Variants in ADK observed in about 807,000 individuals in gnomAD.
The protein encoded by ADK is N6,N6-dimethyladenosine kinase.
A neutral mutation model predicts 44.7 loss-of-function variants in ADK; 24 were observed. That is an observed-to-expected ratio of 0.54 (90% CI 0.39 to 0.76). The LOEUF (loss-of-function observed/expected upper bound fraction) is 0.76. Among genes scored for constraint, ADK ranks in the 30% least tolerant of loss-of-function variants. ADK has a pLI of 0.00. For synonymous variants in ADK, 128 were observed against 142.6 expected (o/e 0.90, Z 0.73); for missense variants, 321 against 425.1 (o/e 0.76, Z 2.15).
chr10:74,158,339 T>C (rs1208424853), intron 1 of ADK, among the ~76,000 whole-genome samples: 2 of 152,214 alleles, frequency 1.3e-5, no homozygotes, highest in African/African-American at 2.4e-5. Context: ...GGATACCAAA[T>C]ACCTCTGAAA....
In ADK at chr10:74,417,970, G is replaced by C. The variant is rs553548373; in HGVS notation, c.555+19391G>C. ...ATGTTGTGAATGAAAACCTCATTCT[G>C]TTATCTCATAGCATATTTATATATA... On this transcript the variant is annotated intron_variant, in intron 6 of 10. Coordinates refer to ENST00000539909, the MANE Select transcript of ADK (RefSeq NM_006721.4). Among the ~76,000 whole-genome samples, 52 of 152,084 alleles carry C rather than the reference G, an allele frequency of 3.4e-4. 1 individual carries two copies. The South Asian group carries it at 0.01, about 30-fold the overall frequency.
chr10:74,541,968 T>C (rs933824274), intron 7 of ADK, among the ~76,000 whole-genome samples: 1 of 151,934 alleles, frequency 6.6e-6, no homozygotes, highest in African/African-American at 2.4e-5. Context: ...TGGCCAGGCA[T>C]AGTGGCTTAC....
intron 4 of ADK, among the ~76,000 whole-genome samples, chr10:74,387,232 G>A (rs574427646): frequency 6.6e-6 from 1 of 152,280 alleles, no homozygotes; most frequent in South Asian, 2.1e-4. Flanking sequence ...ACTGCGCCTG[G>A]CCTGGTATTT....
intron 6 of ADK, among the ~76,000 whole-genome samples, chr10:74,414,199 C>T (rs924317722): frequency 6.6e-6 from 1 of 152,014 alleles, no homozygotes; most frequent in Non-Finnish European, 1.5e-5. Flanking sequence ...TTGCCATAAA[C>T]CTTCGATTTG....
At chr10:74,433,619 CATAAT>C (rs1370241959) in intron 6 of ADK, among the ~76,000 whole-genome samples, 3 of 152,140 alleles carry the variant, frequency 2.0e-5, no homozygotes, top group Non-Finnish European at 1.5e-5. Context: ...GGTATATAGT[CATAAT>C]ATAAACAGTA....
At position 74,507,170 on chromosome 10, in the gene ADK, GA is replaced by G. The variant is rs1187275671; in HGVS notation, c.556-18079del. On this transcript the variant is annotated intron_variant, in intron 6 of 10. Coordinates refer to ENST00000539909, the MANE Select transcript of ADK (RefSeq NM_006721.4). ...ATTTGTTAGCATACCATGAAAAAAT[GA>G]AAAAAATAACAAAAACACTAAAAAC... Among the ~76,000 whole-genome samples, 5 of 152,018 alleles carry G rather than the reference GA, an allele frequency of 3.3e-5. No homozygotes were observed. In the South Asian group the frequency reaches 1.0e-3, roughly 32 times the overall value.
intron 6 of ADK, among the ~76,000 whole-genome samples, chr10:74,406,543 A>G (rs986265766): frequency 6.7e-6 from 1 of 148,396 alleles, no homozygotes; most frequent in African/African-American, 2.5e-5. Context: ...AAGAAGAAGA[A>G]GAAGAAGAAG....
At chr10:74,647,978 C>CAG (rs754843553) in intron 9 of ADK, among the ~76,000 whole-genome samples, 7 of 152,174 alleles carry the variant, frequency 4.6e-5, no homozygotes, top group Non-Finnish European at 1.0e-4. Context: ...ACACTGATCT[C>CAG]AGCCCACACT....
At chr10:74,273,426 A>C (rs1476592461) in intron 3 of ADK, among the ~76,000 whole-genome samples, 1 of 151,474 alleles carries the variant, frequency 6.6e-6, no homozygotes, top group Admixed American at 6.6e-5. Context: ...CCCTCTGCCC[A>C]ATTCGGCTTT....
intron 10 of ADK, among the ~76,000 whole-genome samples, chr10:74,689,249 A>AAAATAAAT (rs751466168): frequency 1.8e-4 from 27 of 151,874 alleles, no homozygotes; most frequent in African/African-American, 4.8e-4. Flanking sequence ...ACTCTATCTC[A>AAAATAAAT]AAATAAATAA....
At chr10:74,667,476 A>G (rs969297539) in intron 9 of ADK, among the ~76,000 whole-genome samples, 1 of 151,756 alleles carries the variant, frequency 6.6e-6, no homozygotes, top group Non-Finnish European at 1.5e-5. Context: ...AGAAAAAATC[A>G]TTATAAAGCT....
intron 6 of ADK, among the ~76,000 whole-genome samples, chr10:74,471,195 C>G (rs1454375515): frequency 6.6e-6 from 1 of 152,018 alleles, no homozygotes; most frequent in African/African-American, 2.4e-5. Context: ...CTGCCTCAGC[C>G]TCCCAAGTAG....
chr10:74,548,459 A>G (rs1849915664), intron 7 of ADK, among the ~76,000 whole-genome samples: 1 of 152,190 alleles, frequency 6.6e-6, no homozygotes, highest in Admixed American at 6.5e-5. Flanking sequence ...CAGGATGCCC[A>G]TTTAAATTTG....
intron 3 of ADK, among the ~76,000 whole-genome samples, chr10:74,247,224 G>GTTTTTTTTTTTTTTTTTTTTTTTTATT (rs142274121): frequency 1.4e-5 from 1 of 72,004 alleles, no homozygotes; most frequent in Non-Finnish European, 2.3e-5. Context: ...TTTTTTTTAA[G>GTTTTTTTTTTTTTTTTTTTTTTTTATT]TTTTTTTTTT....
At chr10:74,431,462 C>T (rs867977016) in intron 6 of ADK, among the ~76,000 whole-genome samples, 2 of 152,102 alleles carry the variant, frequency 1.3e-5, no homozygotes, top group South Asian at 2.1e-4. Context: ...CATCTGAGGC[C>T]GGGCATGGTG....
In ADK at chr10:74,499,697, A is replaced by G. The variant is rs964448867; in HGVS notation, c.556-25559A>G. 2.6e-5 allele frequency among the ~76,000 whole-genome samples: 4 copies of G among 152,340 alleles called. No homozygotes were observed. In the East Asian group the frequency reaches 5.8e-4, roughly 22 times the overall value. ...AGCGAGACTCCATCTCAAAAAAAAA[A>G]AAGTGACATTTTTATCTCTTCAAGC... On this transcript the variant is annotated intron_variant, in intron 6 of 10. Transcript: ENST00000539909.
At chr10:74,170,387 G>A (rs749244351) in intron 1 of ADK, among the ~76,000 whole-genome samples, 2 of 152,034 alleles carry the variant, frequency 1.3e-5, no homozygotes, top group Non-Finnish European at 2.9e-5. Context: ...AAAAATAAGG[G>A]TAGTTTTGAC....
chr10:74,338,114 TAACAAC>T (rs77774358), intron 4 of ADK, among the ~76,000 whole-genome samples: 37 of 150,902 alleles, frequency 2.5e-4, no homozygotes, highest in African/African-American at 6.3e-4. Context: ...ATTTCTAGGA[TAACAAC>T]AACAACAACA....
At chr10:74,699,495 T>C (rs1313847638) in intron 10 of ADK, among the ~76,000 whole-genome samples, 1 of 152,108 alleles carries the variant, frequency 6.6e-6, no homozygotes, top group Non-Finnish European at 1.5e-5. Context: ...CTGGCCAACA[T>C]GGTGAAACCC....
Sources: gnomAD v4.1 joint callset for allele counts (sites outside exome capture counted in the v4.1 genomes callset) on GRCh38, gnomAD v4.1.1 for gene constraint, MANE v1.5 for transcripts, NCBI Gene and HGNC (gene_info 2026-07-23, HGNC 2026-07-21) for gene names.